Variants in FBXL13 observed in about 807,000 individuals in gnomAD.
FBXL13 encodes the protein F-box and leucine-rich repeat protein 13.
In FBXL13, 67 loss-of-function variants were observed where a neutral mutation model predicts 83.6. The observed-to-expected ratio is 0.80, with a 90% confidence interval of 0.66 to 0.98. FBXL13 has a LOEUF of 0.98. Among genes scored for constraint, FBXL13 ranks in the 50% least tolerant of loss-of-function variants. FBXL13 has a pLI of 0.00. For missense variants in FBXL13, 822 were observed against 866.5 expected, an observed-to-expected ratio of 0.95 and a Z score of 0.64; for synonymous variants, 272 against 299.5, an observed-to-expected ratio of 0.91 and a Z score of 0.95.
intron 8 of FBXL13, among the ~76,000 whole-genome samples, chr7:102,961,180 A>C (rs898768211): frequency 6.6e-5 from 10 of 150,900 alleles, no homozygotes; most frequent in Non-Finnish European, 1.3e-4. Flanking sequence ...AAGCATTCTT[A>C]TACACCAACA....
chr7:102,931,491 A>G (rs926739400), intron 9 of FBXL13, among the ~76,000 whole-genome samples: 6 of 152,344 alleles, frequency 3.9e-5, no homozygotes, highest in African/African-American at 1.2e-4. Flanking sequence ...GACAGGAACC[A>G]GGAAGAAAGC....
At chr7:102,902,673 T>C (rs1813113084) in intron 11 of FBXL13, among the ~76,000 whole-genome samples, 2 of 152,236 alleles carry the variant, frequency 1.3e-5, no homozygotes, top group African/African-American at 4.8e-5. Context: ...GCACCACTTA[T>C]TGAAGAGACT....
intron 1 of FBXL13, among the ~76,000 whole-genome samples, chr7:103,072,781 G>A (rs1344054965): frequency 6.6e-6 from 1 of 152,144 alleles, no homozygotes; most frequent in African/African-American, 2.4e-5. Context: ...TTCACTTTCT[G>A]TCCATGTATC....
rs78314507 is a variant in FBXL13, at chr7:102,918,019, G to A, written c.879-4804C>T. Among the ~76,000 whole-genome samples the A allele has an allele frequency of 9.6e-3, 1,466 of 152,248 alleles. 86 individuals are homozygous for A. The East Asian group carries it at 0.16, about 17-fold the overall frequency. ...AAAGCTGGCAAATCATTGTTGCCAA[G>A]GACAAACAAATTACATTTTTCTCTT... On this transcript the variant is annotated intron_variant, in intron 10 of 19. Coordinates refer to ENST00000313221, the Ensembl canonical transcript of FBXL13.
intron 17 of FBXL13, chr7:102,834,458 TA>T (rs1584512347): frequency 4.0e-5 from 2 of 50,086 alleles, no homozygotes; most frequent in East Asian, 1.4e-3. Context: ...TATGTGATTA[TA>T]TATATATATA....
intron 1 of FBXL13, among the ~76,000 whole-genome samples, chr7:103,058,955 T>C (rs1337579382): frequency 6.6e-6 from 1 of 152,186 alleles, no homozygotes; most frequent in East Asian, 1.9e-4. Flanking sequence ...ATGCACACTT[T>C]TCACATAGGA....
At chr7:102,915,972 G>C (rs954193691) in intron 10 of FBXL13, among the ~76,000 whole-genome samples, 1 of 151,638 alleles carries the variant, frequency 6.6e-6, no homozygotes, top group Non-Finnish European at 1.5e-5. Context: ...TAAAAGTAGA[G>C]ATGAGTTTCT....
intron 8 of FBXL13, among the ~76,000 whole-genome samples, chr7:102,963,006 T>TA (rs1157647184): frequency 0.016 from 767 of 48,510 alleles, 13 homozygotes; most frequent in African/African-American, 0.055. Flanking sequence ...TATATATATA[T>TA]AAAAAAAAAA....
At chr7:102,967,336 G>A (rs890921098) in intron 7 of FBXL13, among the ~76,000 whole-genome samples, 10 of 151,080 alleles carry the variant, frequency 6.6e-5, no homozygotes, top group African/African-American at 2.4e-4. Context: ...GCAGTGGCAC[G>A]GTCTCAGCTC....
At chr7:102,914,036 G>A (rs914739630) in intron 10 of FBXL13, among the ~76,000 whole-genome samples, 2 of 152,166 alleles carry the variant, frequency 1.3e-5, no homozygotes, top group Admixed American at 6.5e-5. Flanking sequence ...AGGACACTCC[G>A]TGGACAATTT....
At chr7:102,834,150 C>CAAGAG (rs58339989) in intron 17 of FBXL13, among the ~76,000 whole-genome samples, 28,753 of 111,730 alleles carry the variant, frequency 0.26, 6,231 homozygotes, top group African/African-American at 0.53. Flanking sequence ...AAAGAGAAGA[C>CAAGAG]AAGAGAAAAG....
At chr7:103,031,024 A>G (rs1454984908) in intron 2 of FBXL13, 1 of 152,104 alleles carries the variant, frequency 6.6e-6, no homozygotes, top group Non-Finnish European at 1.5e-5. Context: ...ATTTTTCATT[A>G]TTATTATTAT....
At chr7:103,060,894 C>T (rs1797837203) in intron 1 of FBXL13, among the ~76,000 whole-genome samples, 1 of 152,214 alleles carries the variant, frequency 6.6e-6, no homozygotes, top group African/African-American at 2.4e-5. Context: ...AAAGCAGTAT[C>T]TCACAAATGA....
chr7:102,823,956 A>G (rs1430766271), intron 18 of FBXL13, among the ~76,000 whole-genome samples: 14 of 151,596 alleles, frequency 9.2e-5, no homozygotes, highest in African/African-American at 3.4e-4. Context: ...TTGATAAAAG[A>G]AAAAAAAAGG....
At chr7:102,898,181 TAC>T (rs1179884489) in intron 11 of FBXL13, among the ~76,000 whole-genome samples, 15 of 151,124 alleles carry the variant, frequency 9.9e-5, no homozygotes, top group African/African-American at 3.7e-4. Context: ...CACACACACA[TAC>T]ATATATATGT....
chr7:103,064,161 T>C (rs982313021), intron 1 of FBXL13, among the ~76,000 whole-genome samples: 2 of 152,216 alleles, frequency 1.3e-5, no homozygotes, highest in African/African-American at 4.8e-5. Flanking sequence ...AGAGAGGGTA[T>C]ATCCAACCAG....
intron 18 of FBXL13, among the ~76,000 whole-genome samples, chr7:102,830,766 T>G (rs10487283): frequency 1.3e-5 from 2 of 152,110 alleles, no homozygotes; most frequent in Non-Finnish European, 2.9e-5. Flanking sequence ...AAGCCTTCAG[T>G]GTGTACAATA....
At chr7:103,025,353 C>T in intron 5 of FBXL13, 123 bp from the exon 7 acceptor site, 1 of 557,350 alleles carries the variant, frequency 1.8e-6, no homozygotes, top group Non-Finnish European at 3.1e-6. Flanking sequence ...TGATCGTCAT[C>T]ATTACTACAT....
At chr7:103,031,639 G>A (rs899226120) in intron 2 of FBXL13, among the ~76,000 whole-genome samples, 9 of 152,096 alleles carry the variant, frequency 5.9e-5, no homozygotes, top group Non-Finnish European at 1.0e-4. Flanking sequence ...AGGGAGGAAT[G>A]GACAGTGCAT....
Sources: allele counts gnomAD v4.1 joint callset (sites outside exome capture counted in the v4.1 genomes callset), GRCh38; gene constraint gnomAD v4.1.1; transcripts MANE v1.5; gene names NCBI Gene and HGNC (gene_info 2026-07-23, HGNC 2026-07-21).